The following JADE3 variants were observed in gnomAD, a reference collection of about 807,000 sequenced individuals.
JADE3 encodes the protein protein Jade-3.
Under a neutral mutation model 50.1 loss-of-function variants are expected in JADE3, and 2 were observed. The ratio of observed to expected loss-of-function variants is 0.04; its 90% CI spans 0.02 to 0.13. The LOEUF is 0.13. Ranked by LOEUF, JADE3 falls within the 10% of genes least tolerant of loss-of-function variation. JADE3 has a pLI of 1.00. For missense variants in JADE3, 475 were observed against 634.4 expected, an observed-to-expected ratio of 0.75 and a Z score of 2.70; for synonymous variants, 218 against 232.9, an observed-to-expected ratio of 0.94 and a Z score of 0.58.
chrX:47,027,488 T>C (rs1006732387), intron 5 of JADE3, among the ~76,000 whole-genome samples: 2 of 112,114 alleles, frequency 1.8e-5, no homozygotes, highest in Non-Finnish European at 3.8e-5. Flanking sequence ...TGAATTATTA[T>C]ATCCAAATAG....
intron 4 of JADE3, among the ~76,000 whole-genome samples, chrX:46,999,765 G>A (rs966872013): frequency 1.8e-5 from 2 of 110,302 alleles, no homozygotes; most frequent in Admixed American, 2.0e-4. Context: ...AAAGAGTAGC[G>A]ACTGGTTTTG....
chrX:47,039,553 G>A (rs1161726739), intron 8 of JADE3, among the ~76,000 whole-genome samples: 1 of 110,525 alleles, frequency 9.0e-6, no homozygotes, highest in Non-Finnish European at 1.9e-5. Flanking sequence ...TTTAACCCTT[G>A]TACTCTCCCT....
chrX:47,023,074 T>C (rs1928830224), intron 4 of JADE3, among the ~76,000 whole-genome samples: 1 of 112,045 alleles, frequency 8.9e-6, no homozygotes, highest in African/African-American at 3.2e-5. Context: ...TCTGTTTTTT[T>C]CTATATAATT....
rs1927900823 is a variant in JADE3, at chrX:46,987,987, TCATC to T, written c.126+2196_126+2199del. On this transcript the variant is annotated intron_variant, in intron 3 of 10. Coordinates refer to ENST00000614628, the MANE Select transcript of JADE3 (RefSeq NM_014735.5). Reference sequence around the variant, plus strand: ...CCATGTTCTGCTTTGCTGGCTTATTTCATCTCTCTGAGATAATTTGTCAGCATAA... The same window carrying T: ...CCATGTTCTGCTTTGCTGGCTTATTTTCTCTGAGATAATTTGTCAGCATAA... Among the ~76,000 whole-genome samples the T allele has an allele frequency of 2.7e-5, 3 of 112,691 alleles. No individual in the cohort carries two copies. The Admixed American group carries it at 2.8e-4, about 11-fold the overall frequency.
In JADE3 at chrX:46,951,511, C is replaced by T. The variant is rs1556345047; in HGVS notation, c.-11-33373C>T. Among the ~76,000 whole-genome samples, 42 of 100,710 alleles carry T rather than the reference C, an allele frequency of 4.2e-4. No individual in the cohort carries two copies. In the East Asian group the frequency reaches 0.01, roughly 24 times the overall value. The allele number at this position is 100,710 out of a possible 115,157, so 87.5% of individuals were successfully genotyped here. ...CTGAGGCAGGAGAATTGCTTGAACCCGGGAGGTGGAGGTTGCGGTGAGCGG... is the reference window on the plus strand; with the variant it reads ...CTGAGGCAGGAGAATTGCTTGAACCTGGGAGGTGGAGGTTGCGGTGAGCGG... On this transcript the variant is annotated intron_variant, in intron 1 of 10. Coordinates refer to ENST00000614628, the MANE Select transcript of JADE3 (RefSeq NM_014735.5).
At chrX:46,951,564 C>T (rs1444779305) in intron 1 of JADE3, among the ~76,000 whole-genome samples, 2 of 79,767 alleles carry the variant, frequency 2.5e-5, no homozygotes, top group Non-Finnish European at 4.7e-5. Flanking sequence ...TCCAGCCTGG[C>T]AACAGAGTGA....
rs1556367236 is a variant in JADE3 at position 47,033,626 on chromosome X, C to T, written c.693C>T (p.Cys231=). Reference sequence around the variant, plus strand: ...TCTCCTCCTCATACCTCCAGGCCTGCTATGGCATCCTCAAGGTCCCAGAAG... The same window carrying T: ...TCTCCTCCTCATACCTCCAGGCCTGTTATGGCATCCTCAAGGTCCCAGAAG... ...DKCNVCVHQA[C]YGILKVPEGS... is the part of the protein sequence containing the mutation. Residue 231 remains cysteine (C), a synonymous_variant, in exon 7 of 11, where the codon TGC becomes TGT. Transcript: ENST00000614628. The T allele has an allele frequency of 2.5e-6, 3 of 1,205,822 alleles. No homozygotes were observed. Among genetic ancestry groups the T allele is most frequent in the Non-Finnish European group, 3.4e-6 (3 of 892,224 alleles).
rs182019793 is a variant in JADE3, at chrX:46,949,779, A to T, written c.-11-35105A>T. On this transcript the variant is annotated intron_variant, in intron 1 of 10. Transcript: ENST00000614628. Reference sequence around the variant, plus strand: ...CCTATTCTGATTTCTGTCACCATATAGTTTTTCCTATGACTGAACTTCATG... The same window carrying T: ...CCTATTCTGATTTCTGTCACCATATTGTTTTTCCTATGACTGAACTTCATG... Among the ~76,000 whole-genome samples the T allele has an allele frequency of 2.6e-4, 29 of 111,797 alleles. No individual in the cohort carries two copies. In the East Asian group the frequency reaches 7.5e-3, roughly 29 times the overall value.
chrX:47,038,376 C>G (rs1929179329), intron 7 of JADE3, among the ~76,000 whole-genome samples: 1 of 111,125 alleles, frequency 9.0e-6, no homozygotes, highest in Non-Finnish European at 1.9e-5. Flanking sequence ...ATCCTCCAAA[C>G]TATTCTCCAT....
intron 1 of JADE3, among the ~76,000 whole-genome samples, chrX:46,971,269 C>G (rs1256197197): frequency 9.3e-6 from 1 of 107,022 alleles, no homozygotes; most frequent in Non-Finnish European, 1.9e-5. Flanking sequence ...GCGACTGCCA[C>G]CATGCCCAGC....
At chrX:46,930,068 G>C (rs781973778) in intron 1 of JADE3, among the ~76,000 whole-genome samples, 1 of 112,342 alleles carries the variant, frequency 8.9e-6, no homozygotes, top group Non-Finnish European at 1.9e-5. Flanking sequence ...GGTGGAGTCT[G>C]TTTCTCTACT....
intron 1 of JADE3, among the ~76,000 whole-genome samples, chrX:46,963,836 A>G (rs1398298854): frequency 8.9e-6 from 1 of 111,945 alleles, no homozygotes; most frequent in Non-Finnish European, 1.9e-5. Flanking sequence ...CCATCACCTC[A>G]TACTGTACTC....
intron 1 of JADE3, among the ~76,000 whole-genome samples, chrX:46,939,165 C>T (rs1010775936): frequency 6.2e-5 from 7 of 112,101 alleles, no homozygotes; most frequent in African/African-American, 2.3e-4. Flanking sequence ...CACTGTCATT[C>T]TAAATGTTGT....
rs782555482 is a variant in JADE3, at chrX:46,923,393, C to CT, written c.-12+10702dup. Among the ~76,000 whole-genome samples, 24 of 11,523 alleles carry CT rather than the reference C, an allele frequency of 2.1e-3. 5 individuals carry two copies. The highest frequency in any genetic ancestry group is 7.2e-3 in the East Asian group (2 of 276). The allele number at this position is 11,523 out of a possible 115,157, so 10.0% of individuals were successfully genotyped here. On this transcript the variant is annotated intron_variant, in intron 1 of 10. Coordinates refer to ENST00000614628, the MANE Select transcript of JADE3 (RefSeq NM_014735.5). The stretch of plus-strand genomic sequence containing the variant: ...ATTTCTTTTCTCTCTCTCTCTCTCT[C>CT]TTTTTTTTTTTTTTTTTTTTTTTTT...
At chrX:46,942,119 C>T (rs1333027204) in intron 1 of JADE3, among the ~76,000 whole-genome samples, 20 of 110,465 alleles carry the variant, frequency 1.8e-4, no homozygotes, top group Non-Finnish European at 2.5e-4. Flanking sequence ...AGATATTAGA[C>T]CTTTGTTGGA....
chrX:46,938,619 A>G (rs1014167709), intron 1 of JADE3, among the ~76,000 whole-genome samples: 2 of 112,329 alleles, frequency 1.8e-5, no homozygotes, highest in African/African-American at 6.5e-5. Flanking sequence ...TTCACCATTT[A>G]TGTTGCTCTT....
rs938823815 is a variant in JADE3 at position 47,061,159 on chromosome X, G to C, written c.*2082G>C. On this transcript the variant is annotated 3_prime_UTR_variant, in exon 11 of 11. Coordinates refer to ENST00000614628, the MANE Select transcript of JADE3 (RefSeq NM_014735.5). ...AATTTTTTTCATTTTGTCTTATATA[G>C]TCCAGTTTTCCAAGATAAGCTCAGT... 9.0e-6 allele frequency: 1 copy of C among 111,132 alleles called. No individual in the cohort carries two copies. The allele number at this position is 111,132 out of a possible 1,213,427, so 9.2% of individuals were successfully genotyped here.
intron 4 of JADE3, among the ~76,000 whole-genome samples, chrX:47,005,810 G>A (rs1928401537): frequency 9.0e-6 from 1 of 111,309 alleles, no homozygotes; most frequent in African/African-American, 3.3e-5. Context: ...CCTAGTGGGG[G>A]GCTGAAACTC....
intron 4 of JADE3, among the ~76,000 whole-genome samples, chrX:47,010,505 C>T (rs370371078): frequency 1.8e-5 from 2 of 112,129 alleles, no homozygotes; most frequent in South Asian, 3.7e-4. Context: ...CGTGAGCCAC[C>T]GCGCCCGGCC....
Sources: allele counts gnomAD v4.1 joint callset (sites outside exome capture counted in the v4.1 genomes callset), GRCh38; gene constraint gnomAD v4.1.1; transcripts MANE v1.5; gene names NCBI Gene and HGNC (gene_info 2026-07-23, HGNC 2026-07-21).